SCN10A: variants seen among roughly 807,000 people sequenced by gnomAD.
SCN10A encodes sodium channel protein type 10 subunit alpha.
In SCN10A, 162 loss-of-function variants were observed where a neutral mutation model predicts 170.7. That is an observed-to-expected ratio of 0.95 (90% CI 0.84 to 1.08). The LOEUF is 1.08. SCN10A is among the 50% of genes least tolerant of loss of function. SCN10A has a pLI of 0.00. For missense variants in SCN10A, 2,527 were observed against 2,436.9 expected, an observed-to-expected ratio of 1.04 and a Z score of -0.78; for synonymous variants, 985 against 904.6, an observed-to-expected ratio of 1.09 and a Z score of -1.59.
intron 15 of SCN10A, among the ~76,000 whole-genome samples, chr3:38,739,055 G>A (rs1244415888): frequency 2.6e-5 from 4 of 152,114 alleles, no homozygotes; most frequent in Non-Finnish European, 1.5e-5. Flanking sequence ...CTTGGCAGAT[G>A]GGAGACTTTC....
chr3:38,781,745 T>A (rs1287349886), intron 4 of SCN10A, among the ~76,000 whole-genome samples: 3 of 152,138 alleles, frequency 2.0e-5, no homozygotes, highest in Non-Finnish European at 4.4e-5. Flanking sequence ...AATAAAGATG[T>A]GTTTGAGCCT....
chr3:38,784,381 C>T (rs1245631122), intron 4 of SCN10A, among the ~76,000 whole-genome samples: 1 of 152,026 alleles, frequency 6.6e-6, no homozygotes, highest in African/African-American at 2.4e-5. Flanking sequence ...TGACAAAAAC[C>T]ACGTGATTAT....
At position 38,763,360 on chromosome 3, in the gene SCN10A, G is replaced by A. The variant is rs150392923; in HGVS notation, c.691+145C>T. The A allele has an allele frequency of 1.1e-4, 78 of 696,148 alleles. No homozygotes were observed. The African/African-American group carries it at 1.3e-3, about 12-fold the overall frequency. The allele number at this position is 696,148 out of a possible 1,614,324, so 43.1% of individuals were successfully genotyped here. ...ACTAGTGAAGAGGCCTTGGGTTTAT[G>A]TTTCCTATACTCCAGGCCTCAGTTC... On this transcript the variant is annotated intron_variant, in intron 6 of 27. Transcript: ENST00000449082.
chr3:38,729,204 C>T (rs1287961753), intron 15 of SCN10A, among the ~76,000 whole-genome samples: 2 of 152,100 alleles, frequency 1.3e-5, no homozygotes, highest in African/African-American at 4.8e-5. Flanking sequence ...AGGCCTGATC[C>T]CTCCTGAATA....
At chr3:38,807,244 G>C (rs1177959157) in intron 1 of SCN10A, among the ~76,000 whole-genome samples, 2 of 152,220 alleles carry the variant, frequency 1.3e-5, no homozygotes, top group South Asian at 4.1e-4. Context: ...AAGTTTTGGT[G>C]GACAGTAGAA....
intron 1 of SCN10A, among the ~76,000 whole-genome samples, chr3:38,804,294 A>C (rs2064392941): frequency 6.6e-6 from 1 of 152,030 alleles, no homozygotes; most frequent in Admixed American, 6.6e-5. Context: ...TTCAACTATT[A>C]CCTTGCTAAA....
At chr3:38,792,003 C>T (rs1364284429) in intron 3 of SCN10A, 47 bp downstream of exon 3, 1 of 1,605,308 alleles carries the variant, frequency 6.2e-7, no homozygotes, top group East Asian at 2.2e-5. Flanking sequence ...ACACAGTAGG[C>T]AAGGTCTAAT....
At position 38,707,768 on chromosome 3, in the gene SCN10A, G is replaced by A. The variant is rs183290817; in HGVS notation, c.4282-385C>T. Among the ~76,000 whole-genome samples the A allele has an allele frequency of 1.6e-3, 239 of 152,292 alleles. 1 individual carries two copies. The highest frequency in any genetic ancestry group is 5.7e-3 in the African/African-American group (235 of 41,564). On this transcript the variant is annotated intron_variant, in intron 25 of 27. Coordinates refer to ENST00000449082, the MANE Select transcript of SCN10A (RefSeq NM_006514.4). ...CTAGAGTCACAGTCCCTCCCAGGGGGCAAGAGATTTCCTGAGGACCTTGAA... is the reference window on the plus strand; with the variant it reads ...CTAGAGTCACAGTCCCTCCCAGGGGACAAGAGATTTCCTGAGGACCTTGAA...
At chr3:38,765,585 C>T (rs2063923243) in intron 5 of SCN10A, among the ~76,000 whole-genome samples, 1 of 152,086 alleles carries the variant, frequency 6.6e-6, no homozygotes, top group South Asian at 2.1e-4. Context: ...TATTTTTATA[C>T]CAGTATCATG....
At chr3:38,731,772 A>T (rs1047955037) in intron 15 of SCN10A, among the ~76,000 whole-genome samples, 13 of 152,310 alleles carry the variant, frequency 8.5e-5, no homozygotes, top group African/African-American at 1.4e-4. Context: ...GCATGAAGAG[A>T]TAACTGTGCA....
chr3:38,797,813 G>T (rs1364347159), intron 1 of SCN10A, among the ~76,000 whole-genome samples: 2 of 152,180 alleles, frequency 1.3e-5, no homozygotes, highest in Non-Finnish European at 2.9e-5. Context: ...AGGTCCTGGA[G>T]CTGGAGCTTG....
At chr3:38,706,208 G>A (rs539891892) in intron 26 of SCN10A, among the ~76,000 whole-genome samples, 2 of 152,210 alleles carry the variant, frequency 1.3e-5, no homozygotes, top group East Asian at 3.9e-4. Flanking sequence ...TTTTCACTTT[G>A]TTCTGACAAA....
At position 38,701,914 on chromosome 3, in the gene SCN10A, A is replaced by T; in HGVS notation, c.4582T>A (p.Phe1528Ile). ...GTGAAGTAGTACTGCCTCAAAGCGAACATCTTCATGACACATTCGCCTGTG... is the reference window on the plus strand; with the variant it reads ...GTGAAGTAGTACTGCCTCAAAGCGATCATCTTCATGACACATTCGCCTGTG... The part of the protein sequence containing the change: ...VFTGECVMKM[F>I]ALRQYYFTNG... The change falls in exon 27 of 28, where the codon TTC becomes ATC. Residue 1528 changes from phenylalanine to isoleucine, a missense_variant. Coordinates refer to ENST00000449082, the MANE Select transcript of SCN10A (RefSeq NM_006514.4). 6.2e-7 allele frequency: 1 copy of T among 1,614,190 alleles called. No individual in the cohort carries two copies.
rs745369385 is a variant in SCN10A, at chr3:38,789,050, G to A, written c.390-14C>T. ...AAACTGAACCACCTGAAAGGCCTGTGTTAAGGAAAAGCTGAGATCACCAAG... is the reference window on the plus strand; with the variant it reads ...AAACTGAACCACCTGAAAGGCCTGTATTAAGGAAAAGCTGAGATCACCAAG... On this transcript the variant is annotated splice_polypyrimidine_tract_variant and intron_variant, in intron 3 of 27. Transcript: ENST00000449082. 5 of 1,560,714 alleles carry A rather than the reference G, an allele frequency of 3.2e-6. No homozygotes were observed. Among genetic ancestry groups the A allele is most frequent in the Non-Finnish European group, 4.4e-6 (5 of 1,132,222 alleles).
At chr3:38,760,078 C>T (rs1231247537) in intron 8 of SCN10A, among the ~76,000 whole-genome samples, 1 of 152,232 alleles carries the variant, frequency 6.6e-6, no homozygotes, top group Non-Finnish European at 1.5e-5. Flanking sequence ...TGTATCCACA[C>T]CCTTTCCAAT....
At chr3:38,815,547 C>A (rs2126067965) in intron 1 of SCN10A, among the ~76,000 whole-genome samples, 2 of 152,312 alleles carry the variant, frequency 1.3e-5, no homozygotes, top group East Asian at 1.9e-4. Flanking sequence ...GAGTTTAGGA[C>A]AAAACGTCTT....
At chr3:38,806,379 T>A (rs1284298245) in intron 1 of SCN10A, among the ~76,000 whole-genome samples, 1 of 152,096 alleles carries the variant, frequency 6.6e-6, no homozygotes, top group Non-Finnish European at 1.5e-5. Context: ...AGAAAAGAAG[T>A]TCCTTATCAC....
At chr3:38,804,259 T>G (rs2064392688) in intron 1 of SCN10A, among the ~76,000 whole-genome samples, 1 of 152,100 alleles carries the variant, frequency 6.6e-6, no homozygotes, top group South Asian at 2.1e-4. Flanking sequence ...TCATATTCTC[T>G]TCATGTTTAT....
At chr3:38,724,519 C>A (rs2063431562) in intron 18 of SCN10A, among the ~76,000 whole-genome samples, 2 of 152,204 alleles carry the variant, frequency 1.3e-5, no homozygotes, top group African/African-American at 4.8e-5. Context: ...CTCTAATCTT[C>A]CAGCTCAGTC....
Sources: gnomAD v4.1 joint callset for allele counts (sites outside exome capture counted in the v4.1 genomes callset) on GRCh38, gnomAD v4.1.1 for gene constraint, MANE v1.5 for transcripts, NCBI Gene and HGNC (gene_info 2026-07-23, HGNC 2026-07-21) for gene names.